Variants in TAF12 observed in about 807,000 individuals in gnomAD.
The protein encoded by TAF12 is transcription initiation factor TFIID subunit 12.
A neutral mutation model predicts 20.8 loss-of-function variants in TAF12; 3 were observed. That is an observed-to-expected ratio of 0.14 (90% CI 0.07 to 0.37). The LOEUF (loss-of-function observed/expected upper bound fraction) is 0.37, where lower values mean the gene tolerates loss of function less well. Among genes scored for constraint, TAF12 ranks in the 10% least tolerant of loss-of-function variants. The pLI is 1.00. For synonymous variants in TAF12, 69 were observed against 70.2 expected (o/e 0.98, Z 0.09); for missense variants, 131 against 197.9 (o/e 0.66, Z 2.03).
chr1:28,643,818 G>A (rs1440466923), upstream of TAF12, among the ~76,000 whole-genome samples: 2 of 152,094 alleles, frequency 1.3e-5, no homozygotes, highest in Non-Finnish European at 2.9e-5. Flanking sequence ...TTGGGAGGCC[G>A]AGGAGGGTGG....
At chr1:28,648,122 AGGT>A (rs1413337568) in intron 1 of TAF12, 1 of 980,212 alleles carries the variant, frequency 1.0e-6, no homozygotes, top group Non-Finnish European at 1.2e-6. Context: ...GGCTGCTCCA[AGGT>A]GGTGGCTAGG....
upstream of TAF12, chr1:28,646,450 C>T (rs1487806997): frequency 6.6e-6 from 1 of 152,120 alleles, no homozygotes. Flanking sequence ...GAGCAGGGAA[C>T]TCCATGTATT....
chr1:28,642,812 T>C, intron 1 of TAF12, 180 bp downstream of exon 1: 1 of 985,588 alleles, frequency 1.0e-6, no homozygotes, highest in South Asian at 4.7e-5. Flanking sequence ...AGAGCCCGGG[T>C]CCCCACAGCC....
chr1:28,641,051 G>A (rs2124392342), intron 1 of TAF12, among the ~76,000 whole-genome samples: 1 of 152,004 alleles, frequency 6.6e-6, no homozygotes, highest in East Asian at 1.9e-4. Flanking sequence ...ATGGGCAACA[G>A]AACAGGACCC....
At chr1:28,610,450 C>A (rs908988840) in intron 4 of TAF12, among the ~76,000 whole-genome samples, 3 of 152,008 alleles carry the variant, frequency 2.0e-5, no homozygotes, top group Non-Finnish European at 2.9e-5. Context: ...CTCCACCATG[C>A]CTGGCTAATT....
intron 1 of TAF12, among the ~76,000 whole-genome samples, chr1:28,625,383 T>C (rs1482503022): frequency 6.6e-6 from 1 of 152,092 alleles, no homozygotes; most frequent in African/African-American, 2.4e-5. Flanking sequence ...TTTCTCTCTT[T>C]TTTTTGAGAC....
chr1:28,627,481 C>G (rs1463401659), intron 1 of TAF12, among the ~76,000 whole-genome samples: 1 of 150,944 alleles, frequency 6.6e-6, no homozygotes, highest in African/African-American at 2.4e-5. Context: ...ATCACAAGGT[C>G]AGGAGATCGA....
In TAF12 at chr1:28,616,676, C is replaced by T. The variant is rs191421118; in HGVS notation, c.246+1277G>A. Among the ~76,000 whole-genome samples, 194 of 150,520 alleles carry T rather than the reference C, an allele frequency of 1.3e-3. 1 individual carries two copies. The highest frequency in any genetic ancestry group is 2.5e-3 in the Non-Finnish European group (171 of 67,674). ...TTGAACCCCCGGGATGCAGAGGTTG[C>T]GGTAAGCTGAGATCCTGCCACTATA... On this transcript the variant is annotated intron_variant, in intron 3 of 5. Coordinates refer to ENST00000373824, the MANE Select transcript of TAF12 (RefSeq NM_005644.4).
At chr1:28,634,018 G>A (rs1667732448) in intron 1 of TAF12, among the ~76,000 whole-genome samples, 1 of 151,754 alleles carries the variant, frequency 6.6e-6, no homozygotes, top group African/African-American at 2.4e-5. Flanking sequence ...AGGAGGTGGA[G>A]GTTGCAGTTA....
chr1:28,632,593 A>G (rs1667669965), intron 1 of TAF12, among the ~76,000 whole-genome samples: 1 of 152,120 alleles, frequency 6.6e-6, no homozygotes, highest in Non-Finnish European at 1.5e-5. Flanking sequence ...ATACTAAGTG[A>G]AAAAGGCAAG....
intron 1 of TAF12, among the ~76,000 whole-genome samples, chr1:28,626,230 G>C (rs891151151): frequency 1.3e-5 from 2 of 151,200 alleles, no homozygotes; most frequent in African/African-American, 2.4e-5. Context: ...ACCCGCCTCG[G>C]GCCTCCCATA....
chr1:28,642,581 T>C (rs1194994846), intron 1 of TAF12: 1 of 954,652 alleles, frequency 1.0e-6, no homozygotes, highest in South Asian at 4.8e-5. Context: ...CGTTTCTGAA[T>C]CCTTAGGAGC....
intron 1 of TAF12, among the ~76,000 whole-genome samples, chr1:28,630,998 C>T (rs1294608411): frequency 1.5e-4 from 22 of 145,976 alleles, no homozygotes; most frequent in Non-Finnish European, 3.0e-4. Context: ...TGAGCTGAGA[C>T]CGTGCCACTG....
Position 28,610,970 on chromosome 1 carries a change from AAAAAAAAAAAAAAC to A in TAF12, c.361+2263_361+2276del, listed in dbSNP as rs1289963630. Among the ~76,000 whole-genome samples the A allele has an allele frequency of 7.5e-3, 943 of 125,192 alleles. 13 individuals are homozygous for A. The highest frequency in any genetic ancestry group is 0.014 in the Middle Eastern group (3 of 214). The allele number at this position is 125,192 out of a possible 152,430, so 82.1% of individuals were successfully genotyped here. ...GTGAGACTGTCTCAAAAAAAAAAAA[AAAAAAAAAAAAAAC>A]ACAGGTGGAGTCTGTGTTCCCTCCC... is the stretch of plus-strand genomic sequence containing the variant. On this transcript the variant is annotated intron_variant, in intron 4 of 5. Coordinates refer to ENST00000373824, the MANE Select transcript of TAF12 (RefSeq NM_005644.4).
chr1:28,613,193 C>A (rs1666923126), intron 4 of TAF12, 54 bp downstream of exon 4: 3 of 1,466,138 alleles, frequency 2.0e-6, no homozygotes, highest in Middle Eastern at 1.7e-4. Flanking sequence ...CTTTCCCTGG[C>A]AGTCCTGAAG....
At chr1:28,638,394 G>T (rs1291597097) in intron 1 of TAF12, among the ~76,000 whole-genome samples, 1 of 151,762 alleles carries the variant, frequency 6.6e-6, no homozygotes. Flanking sequence ...TCTCCATGTT[G>T]GTCAGGCTGG....
At chr1:28,624,938 T>C (rs1667334255) in intron 1 of TAF12, among the ~76,000 whole-genome samples, 1 of 152,156 alleles carries the variant, frequency 6.6e-6, no homozygotes, top group Admixed American at 6.6e-5. Flanking sequence ...TAACCATATG[T>C]GGCCTCCTTC....
chr1:28,638,950 T>G (rs1667938574), intron 1 of TAF12, among the ~76,000 whole-genome samples: 1 of 151,392 alleles, frequency 6.6e-6, no homozygotes, highest in South Asian at 2.1e-4. Context: ...CGTGCCCAGC[T>G]AATTTTTTTT....
chr1:28,641,777 G>A (rs1401525450), intron 1 of TAF12, among the ~76,000 whole-genome samples: 1 of 134,562 alleles, frequency 7.4e-6, no homozygotes, highest in East Asian at 2.1e-4. Flanking sequence ...CTGGGCGACA[G>A]AGAGAGAACC....
Sources: gnomAD v4.1 joint callset for allele counts (sites outside exome capture counted in the v4.1 genomes callset) on GRCh38, gnomAD v4.1.1 for gene constraint, MANE v1.5 for transcripts, NCBI Gene and HGNC (gene_info 2026-07-23, HGNC 2026-07-21) for gene names.